The following ANO1 variants were observed in gnomAD, a reference collection of about 807,000 sequenced individuals.
ANO1 encodes anoctamin 1, also known as anoctamin-1.
ANO1 carries 59 observed loss-of-function variants against 124.0 expected under a neutral mutation model. The ratio of observed to expected loss-of-function variants is 0.48; its 90% CI spans 0.39 to 0.59. The LOEUF is 0.59. Among genes scored for constraint, ANO1 ranks in the 20% least tolerant of loss-of-function variants. ANO1 has a pLI of 0.00. For synonymous variants in ANO1, 529 were observed against 532.0 expected (o/e 0.99, Z 0.08); for missense variants, 1,059 against 1,328.0 (o/e 0.80, Z 3.15).
intron 1 of ANO1, among the ~76,000 whole-genome samples, chr11:70,027,892 A>T (rs1168526727): frequency 6.6e-6 from 1 of 152,188 alleles, no homozygotes; most frequent in Non-Finnish European, 1.5e-5. Flanking sequence ...TAGGCACATC[A>T]TAAAGATCTT....
Position 70,087,945 on chromosome 11 carries a change from TG to T in ANO1, c.303del (p.Pro102ArgfsTer55). Reference protein sequence around the residue: ...GARSVKQDHPLPGKGASLDAG... With the variant: ...GARSVKQDHPXPGKGASLDAG... ...CGCAGCGTCAAGCAGGACCACCCCCTGCCGGGCAAGGGGGCGTCGCTGGATG... is the reference window on the plus strand; with the variant it reads ...CGCAGCGTCAAGCAGGACCACCCCCTCCGGGCAAGGGGGCGTCGCTGGATG... On this transcript the variant is annotated frameshift_variant, in exon 2 of 26. Coordinates refer to ENST00000355303, the MANE Select transcript of ANO1 (RefSeq NM_018043.7). LOFTEE classifies it high-confidence loss of function. 6.2e-7 allele frequency: 1 copy of T among 1,601,164 alleles called. No homozygotes were observed. Among genetic ancestry groups the T allele is most frequent in the African/African-American group, 1.3e-5 (1 of 74,786 alleles).
At chr11:70,163,952 G>A (rs2048154562) in intron 19 of ANO1, among the ~76,000 whole-genome samples, 2 of 149,402 alleles carry the variant, frequency 1.3e-5, no homozygotes, top group Admixed American at 1.3e-4. Flanking sequence ...AAAAAAAAAA[G>A]AAGATGAATT....
chr11:70,157,135 G>A lies in ANO1; in HGVS notation c.1578+114G>A. Reference sequence around the variant, plus strand: ...TAATCCCAGCACTTTGGGAGGCCGAGGCGGGCAGATCACTTGAGGTCAGGA... The same window carrying A: ...TAATCCCAGCACTTTGGGAGGCCGAAGCGGGCAGATCACTTGAGGTCAGGA... On this transcript the variant is annotated intron_variant, in intron 16 of 25. Coordinates refer to ENST00000355303, the MANE Select transcript of ANO1 (RefSeq NM_018043.7). 5 of 897,900 alleles carry A rather than the reference G, an allele frequency of 5.6e-6. No individual in the cohort carries two copies. In the South Asian group the frequency reaches 7.8e-5, roughly 14 times the overall value. The allele number at this position is 897,900 out of a possible 1,614,324, so 55.6% of individuals were successfully genotyped here. A position where few individuals can be genotyped will look rare whatever the true frequency, so the allele number is the denominator to read the frequency against.
intron 5 of ANO1, among the ~76,000 whole-genome samples, chr11:70,107,982 C>G (rs1010525899): frequency 6.6e-6 from 1 of 152,214 alleles, no homozygotes; most frequent in African/African-American, 2.4e-5. Flanking sequence ...GCTCTCAGCA[C>G]GAGGGGACCG....
rs192950826 is a variant in ANO1 at position 70,033,162 on chromosome 11, G to A, written c.59-45380G>A. Reference sequence around the variant, plus strand: ...CAGGCTCCGGGTTTGGGGCCTTCACGGGGCGGTTTCACTTGATCTTCTCAT... The same window carrying A: ...CAGGCTCCGGGTTTGGGGCCTTCACAGGGCGGTTTCACTTGATCTTCTCAT... On this transcript the variant is annotated intron_variant, in intron 1 of 27. Transcript: ENST00000531349. Among the ~76,000 whole-genome samples, 418 of 152,284 alleles carry A rather than the reference G, an allele frequency of 2.7e-3. 4 individuals are homozygous for A. Among genetic ancestry groups the A allele is most frequent in the South Asian group, 6.6e-3 (32 of 4,822 alleles).
intron 1 of ANO1, among the ~76,000 whole-genome samples, chr11:69,994,243 AT>A (rs1258551561): frequency 3.3e-5 from 5 of 152,066 alleles, no homozygotes; most frequent in African/African-American, 4.8e-5. Flanking sequence ...ATTTTGTTTC[AT>A]TTTTGTGCTA....
intron 1 of ANO1, chr11:70,085,776 C>G (rs1230530767): frequency 7.6e-7 from 1 of 1,314,652 alleles, no homozygotes; most frequent in East Asian, 2.6e-5. Flanking sequence ...CCCTCTCCCC[C>G]ACTGCAGTGC....
chr11:70,155,833 G>C, intron 14 of ANO1, 78 bp from the exon 15 acceptor site: 6 of 1,347,278 alleles, frequency 4.5e-6, no homozygotes, highest in Non-Finnish European at 6.0e-6. Context: ...AGATGGGGAC[G>C]GTTCCCTGGG....
chr11:70,051,953 T>C (rs1209386850), intron 1 of ANO1, among the ~76,000 whole-genome samples: 2 of 152,258 alleles, frequency 1.3e-5, no homozygotes, highest in African/African-American at 4.8e-5. Flanking sequence ...GTTTAAGAGA[T>C]GTTTGTGCAT....
chr11:69,988,413 G>A lies in ANO1; in HGVS notation c.58+2247G>A, dbSNP rs576072756. On this transcript the variant is annotated intron_variant, in intron 1 of 27. Coordinates refer to the ANO1 transcript ENST00000531349. ...ACTCTATGCCTTATCTGTAAAGTCC[G>A]GAGGGTGGCTGTGAAAAGGACTTGA... 6.8e-4 allele frequency among the ~76,000 whole-genome samples: 103 copies of A among 152,280 alleles called. 1 individual carries two copies. The highest frequency in any genetic ancestry group is 2.2e-3 in the African/African-American group (93 of 41,564).
intron 1 of ANO1, among the ~76,000 whole-genome samples, chr11:70,010,177 G>GTGTGTA (rs1856571231): frequency 1.8e-5 from 1 of 54,426 alleles, no homozygotes; most frequent in Non-Finnish European, 4.3e-5. Context: ...GCGTGTGTGT[G>GTGTGTA]TGTATATATA....
intron 1 of ANO1, among the ~76,000 whole-genome samples, chr11:70,062,749 GA>G (rs1357040227): frequency 1.3e-5 from 2 of 152,198 alleles, no homozygotes; most frequent in African/African-American, 4.8e-5. Flanking sequence ...AGGGACTGTT[GA>G]AAATCTCTGA....
chr11:69,989,443 GTCT>G (rs139394021), intron 1 of ANO1, among the ~76,000 whole-genome samples: 3,198 of 151,934 alleles, frequency 0.021, 107 homozygotes, highest in African/African-American at 0.073. Flanking sequence ...CAGCACGTGC[GTCT>G]TCTTCTTGAG....
At chr11:70,113,940 A>C (rs986234996) in intron 7 of ANO1, among the ~76,000 whole-genome samples, 1 of 152,018 alleles carries the variant, frequency 6.6e-6, no homozygotes, top group Non-Finnish European at 1.5e-5. Flanking sequence ...CTGTGTCCCC[A>C]CCTCATCCCG....
upstream of ANO1, among the ~76,000 whole-genome samples, chr11:69,982,470 C>T (rs1855967738): frequency 1.3e-5 from 2 of 152,336 alleles, no homozygotes; most frequent in African/African-American, 4.8e-5. Flanking sequence ...CCTCCACCTG[C>T]ATTTCAGTGT....
intron 6 of ANO1, among the ~76,000 whole-genome samples, chr11:70,109,785 G>C (rs914763555): frequency 3.3e-5 from 5 of 152,174 alleles, no homozygotes; most frequent in Non-Finnish European, 5.9e-5. Context: ...CATGGCCCAG[G>C]CTGATTCTCT....
At chr11:70,150,224 T>C (rs1282172301) in intron 12 of ANO1, among the ~76,000 whole-genome samples, 4 of 152,184 alleles carry the variant, frequency 2.6e-5, no homozygotes, top group Non-Finnish European at 5.9e-5. Context: ...CCACGTTCCC[T>C]GGAGCCAGCT....
intron 1 of ANO1, among the ~76,000 whole-genome samples, chr11:70,040,220 G>A (rs1220031133): frequency 5.9e-5 from 9 of 152,082 alleles, no homozygotes; most frequent in African/African-American, 2.2e-4. Flanking sequence ...ATTTGTGTGA[G>A]CTAATCATAA....
chr11:70,173,778 CAGT>C (rs2048566691), intron 22 of ANO1, among the ~76,000 whole-genome samples: 1 of 152,120 alleles, frequency 6.6e-6, no homozygotes, highest in Admixed American at 6.5e-5. Context: ...GGGCCGGGCG[CAGT>C]GGCTCACGCC....
Sources: gnomAD v4.1 joint callset for allele counts (sites outside exome capture counted in the v4.1 genomes callset) on GRCh38, gnomAD v4.1.1 for gene constraint, MANE v1.5 for transcripts, NCBI Gene and HGNC (gene_info 2026-07-23, HGNC 2026-07-21) for gene names.